The following RDH10 variants were observed in gnomAD, a reference collection of about 807,000 sequenced individuals.
RDH10 encodes the protein retinol dehydrogenase 10, also known as retinol dehydrogenase 10 (all-trans).
In RDH10, 12 loss-of-function variants were observed where a neutral mutation model predicts 30.2. The ratio of observed to expected loss-of-function variants is 0.40; its 90% CI spans 0.25 to 0.64. The LOEUF (loss-of-function observed/expected upper bound fraction) is 0.64. Among genes scored for constraint, RDH10 ranks in the 30% least tolerant of loss-of-function variants. The pLI is 0.43. For missense variants in RDH10, 268 were observed against 445.2 expected (o/e 0.60, Z 3.58); for synonymous variants, 189 against 172.2 (o/e 1.10, Z -0.76).
At chr8:73,319,963 C>A (rs907347264) in intron 3 of RDH10, among the ~76,000 whole-genome samples, 2 of 152,174 alleles carry the variant, frequency 1.3e-5, no homozygotes, top group African/African-American at 4.8e-5. Context: ...TCACTCCATG[C>A]AAATATGCAA....
At position 73,295,164 on chromosome 8, in the gene RDH10, G is replaced by A; in HGVS notation, c.-126G>A. 1 of 941,798 alleles carries A rather than the reference G, an allele frequency of 1.1e-6. No homozygotes were observed. Among genetic ancestry groups the A allele is most frequent in the Non-Finnish European group, 1.5e-6 (1 of 684,240 alleles). 58.3% of individuals were successfully genotyped at this position (941,798 alleles called of 1,614,324 possible). A position where few individuals can be genotyped will look rare whatever the true frequency, so the allele number is the denominator to read the frequency against. ...CAACCCGGCGGGCACCTCGGGGGCG[G>A]GCGCGGGGCGCAGCCTTCTCGTCCC... On this transcript the variant is annotated 5_prime_UTR_variant, in exon 1 of 6. Coordinates refer to ENST00000240285, the MANE Select transcript of RDH10 (RefSeq NM_172037.5).
Position 73,322,665 on chromosome 8 carries a change from T to A in RDH10, c.771-14T>A. On this transcript the variant is annotated splice_polypyrimidine_tract_variant and intron_variant, in intron 4 of 5. Transcript: ENST00000240285. Reference sequence around the variant, plus strand: ...GTTAATTTTTCATTTTGTTTTTGAATAAATAACTTTCAGGAAAGAAATTGA... The same window carrying A: ...GTTAATTTTTCATTTTGTTTTTGAAAAAATAACTTTCAGGAAAGAAATTGA... 1 of 1,602,170 alleles carries A rather than the reference T, an allele frequency of 6.2e-7. No homozygotes were observed.
At chr8:73,301,296 C>T (rs1182763074) in intron 2 of RDH10, among the ~76,000 whole-genome samples, 20 of 150,048 alleles carry the variant, frequency 1.3e-4, no homozygotes, top group Non-Finnish European at 2.4e-4. Context: ...GTGATCCGCC[C>T]GCCTCGGCCT....
intron 2 of RDH10, among the ~76,000 whole-genome samples, chr8:73,307,137 TATAAC>T (rs1241056401): frequency 1.3e-5 from 2 of 152,238 alleles, no homozygotes; most frequent in Non-Finnish European, 2.9e-5. Context: ...GATTTTTACT[TATAAC>T]AGTCGTTTTT....
intron 2 of RDH10, among the ~76,000 whole-genome samples, chr8:73,307,920 C>T (rs1405490974): frequency 1.3e-5 from 2 of 152,150 alleles, no homozygotes; most frequent in Non-Finnish European, 2.9e-5. Flanking sequence ...AAAATTCAAG[C>T]CTGAAGAACC....
intron 2 of RDH10, among the ~76,000 whole-genome samples, chr8:73,316,280 A>G (rs974520075): frequency 6.6e-5 from 10 of 152,240 alleles, no homozygotes; most frequent in Middle Eastern, 3.4e-3. Context: ...AACCTCCCCC[A>G]AAGCTTGGGG....
chr8:73,296,970 C>G (rs1469876590), intron 1 of RDH10: 1 of 507,548 alleles, frequency 2.0e-6, no homozygotes, highest in East Asian at 3.6e-5. Context: ...TGACTTTCCC[C>G]TAAGCAAAGT....
intron 2 of RDH10, among the ~76,000 whole-genome samples, chr8:73,305,915 A>T (rs909279896): frequency 6.6e-6 from 1 of 152,222 alleles, no homozygotes; most frequent in African/African-American, 2.4e-5. Context: ...TCAGATTAAA[A>T]TATGTTAATC....
At chr8:73,320,708 G>A (rs560437425) in intron 3 of RDH10, among the ~76,000 whole-genome samples, 1 of 152,240 alleles carries the variant, frequency 6.6e-6, no homozygotes, top group South Asian at 2.1e-4. Flanking sequence ...CTGACCTTAA[G>A]TGATCCAGCC....
chr8:73,312,786 T>G (rs1309958632), intron 2 of RDH10: 1 of 152,212 alleles, frequency 6.6e-6, no homozygotes, highest in East Asian at 1.9e-4. Flanking sequence ...GCTGGTGGTG[T>G]TGACCTTTCT....
chr8:73,313,798 AC>A lies in RDH10; in HGVS notation c.526-5297del, dbSNP rs376619362. On this transcript the variant is annotated intron_variant, in intron 2 of 5. Transcript: ENST00000240285. ...GCAATAGAGTGCAATTCTCTGACTT[AC>A]ATTTAGCATCTAGCAAACCTTGCCA... is the stretch of plus-strand genomic sequence containing the variant. Among the ~76,000 whole-genome samples, 756 of 152,330 alleles carry A rather than the reference AC, an allele frequency of 5.0e-3. 7 individuals carry two copies. The highest frequency in any genetic ancestry group is 0.017 in the African/African-American group (721 of 41,576).
At chr8:73,310,390 G>A (rs919227263) in intron 2 of RDH10, among the ~76,000 whole-genome samples, 6 of 152,046 alleles carry the variant, frequency 3.9e-5, no homozygotes, top group Non-Finnish European at 7.4e-5. Flanking sequence ...TAGAAAGCAG[G>A]GAAGAATTTG....
intron 2 of RDH10, among the ~76,000 whole-genome samples, chr8:73,316,880 A>G (rs1814679425): frequency 6.6e-6 from 1 of 152,194 alleles, no homozygotes; most frequent in Non-Finnish European, 1.5e-5. Flanking sequence ...TCACTAGAGC[A>G]GCACCAGGAG....
chr8:73,300,882 A>C (rs1814360669), intron 2 of RDH10, among the ~76,000 whole-genome samples: 1 of 152,170 alleles, frequency 6.6e-6, no homozygotes, highest in South Asian at 2.1e-4. Context: ...TTTGTTTTCC[A>C]GTGAAGTTGG....
At chr8:73,299,771 G>T (rs1338293957) in intron 2 of RDH10, among the ~76,000 whole-genome samples, 1 of 152,182 alleles carries the variant, frequency 6.6e-6, no homozygotes, top group African/African-American at 2.4e-5. Context: ...ACAATCTGCA[G>T]TTAAATACTT....
intron 1 of RDH10, 80 bp from the exon 2 acceptor site, chr8:73,297,114 C>A: frequency 1.2e-6 from 1 of 807,152 alleles, no homozygotes; most frequent in Non-Finnish European, 2.2e-6. Flanking sequence ...GATCTTTGTC[C>A]TACTGATCGC....
At chr8:73,300,236 C>A (rs1238301537) in intron 2 of RDH10, 2 of 152,154 alleles carry the variant, frequency 1.3e-5, no homozygotes, top group African/African-American at 4.8e-5. Flanking sequence ...ATTTACAAAT[C>A]TTTTGAGAAG....
intron 2 of RDH10, among the ~76,000 whole-genome samples, chr8:73,316,697 G>A (rs1814675040): frequency 6.6e-6 from 1 of 152,178 alleles, no homozygotes; most frequent in Non-Finnish European, 1.5e-5. Flanking sequence ...CGGTTCTGCA[G>A]GCTGTACAGG....
Position 73,316,047 on chromosome 8 carries a change from C to T in RDH10, c.526-3049C>T, listed in dbSNP as rs367551538. ...TTTCTAGTTGTTTGAGGCAGGGTCTCGCTCTGTCGCCTAGGCTGGGGTGCC... is the reference window on the plus strand; with the variant it reads ...TTTCTAGTTGTTTGAGGCAGGGTCTTGCTCTGTCGCCTAGGCTGGGGTGCC... On this transcript the variant is annotated intron_variant, in intron 2 of 5. Transcript: ENST00000240285. Among the ~76,000 whole-genome samples the T allele has an allele frequency of 2.2e-4, 34 of 152,276 alleles. No individual in the cohort carries two copies. In the East Asian group the frequency reaches 3.5e-3, roughly 16 times the overall value.
Sources: allele counts gnomAD v4.1 joint callset (sites outside exome capture counted in the v4.1 genomes callset), GRCh38; gene constraint gnomAD v4.1.1; transcripts MANE v1.5; gene names NCBI Gene and HGNC (gene_info 2026-07-23, HGNC 2026-07-21).